Variants in TOM1L2 observed in about 807,000 individuals in gnomAD.
TOM1L2 encodes the protein target of myb1 like 2 membrane trafficking protein.
A neutral mutation model predicts 67.9 loss-of-function variants in TOM1L2; 31 were observed. That is an observed-to-expected ratio of 0.46 (90% CI 0.34 to 0.62). The LOEUF (loss-of-function observed/expected upper bound fraction) is 0.62, where lower values mean the gene tolerates loss of function less well. Among genes scored for constraint, TOM1L2 ranks in the 20% least tolerant of loss-of-function variants. The probability of loss-of-function intolerance (pLI) is 0.01; values close to 1 mark genes in which losing one functional copy is unlikely to be tolerated. For missense variants in TOM1L2, 606 were observed against 663.5 expected, an observed-to-expected ratio of 0.91 and a Z score of 0.95; for synonymous variants, 256 against 254.0, an observed-to-expected ratio of 1.01 and a Z score of -0.07.
At chr17:17,924,000 T>C (rs550849704) in intron 1 of TOM1L2, among the ~76,000 whole-genome samples, 2 of 151,944 alleles carry the variant, frequency 1.3e-5, no homozygotes, top group East Asian at 3.9e-4. Context: ...TAGCCAGGCA[T>C]GGTGGTATGC....
chr17:17,844,178 G>C lies in TOM1L2; in HGVS notation c.*3457C>G, dbSNP rs2035525498. The stretch of plus-strand genomic sequence containing the variant: ...CCCAGGGGCTGGCCTGGCCCCAGGT[G>C]GGCCCATGGCCTACCCCAAGCCATC... On this transcript the variant is annotated 3_prime_UTR_variant, in exon 15 of 15. Coordinates refer to ENST00000379504, the MANE Select transcript of TOM1L2 (RefSeq NM_001082968.2). The C allele has an allele frequency of 6.6e-6, 1 of 152,314 alleles. No individual in the cohort carries two copies. Among genetic ancestry groups the C allele is most frequent in the South Asian group, 2.1e-4 (1 of 4,828 alleles). The allele number at this position is 152,314 out of a possible 1,614,324, so 9.4% of individuals were successfully genotyped here.
intron 2 of TOM1L2, among the ~76,000 whole-genome samples, chr17:17,906,131 CATT>C (rs1568230042): frequency 7.5e-5 from 11 of 147,136 alleles, no homozygotes; most frequent in Admixed American, 6.8e-5. Context: ...CTTCTCTTTT[CATT>C]TTTTTTTTTT....
intron 14 of TOM1L2, 60 bp from the exon 15 acceptor site, chr17:17,847,843 C>T (rs1040938600): frequency 6.8e-6 from 11 of 1,606,664 alleles, no homozygotes; most frequent in East Asian, 2.2e-5. Flanking sequence ...AGAGGAAGCG[C>T]ACCCTTCCAC....
intron 1 of TOM1L2, among the ~76,000 whole-genome samples, chr17:17,912,544 G>A (rs2039429363): frequency 6.6e-6 from 1 of 151,904 alleles, no homozygotes; most frequent in South Asian, 2.1e-4. Flanking sequence ...TCACATCCCA[G>A]ACGGGGCGGC....
At chr17:17,938,918 C>T (rs1253667771) in intron 1 of TOM1L2, among the ~76,000 whole-genome samples, 1 of 152,068 alleles carries the variant, frequency 6.6e-6, no homozygotes, top group East Asian at 1.9e-4. Flanking sequence ...TGGGGTGGGG[C>T]CGCCCAGAGA....
At chr17:17,934,895 G>C (rs2040460435) in intron 1 of TOM1L2, among the ~76,000 whole-genome samples, 1 of 152,316 alleles carries the variant, frequency 6.6e-6, no homozygotes, top group South Asian at 2.1e-4. Flanking sequence ...CCAGGTTCCT[G>C]AGATTTCCTA....
At chr17:17,923,467 T>C (rs1598346355) in intron 1 of TOM1L2, among the ~76,000 whole-genome samples, 2 of 151,896 alleles carry the variant, frequency 1.3e-5, no homozygotes, top group East Asian at 3.9e-4. Context: ...ACTTCAACAC[T>C]TGTATTAACA....
At chr17:17,920,529 G>A (rs1300970499) in intron 1 of TOM1L2, among the ~76,000 whole-genome samples, 2 of 151,738 alleles carry the variant, frequency 1.3e-5, no homozygotes, top group East Asian at 1.9e-4. Context: ...TAGTAGAGAC[G>A]GGGTTTCACA....
chr17:17,916,062 C>T (rs1012513976), intron 1 of TOM1L2, among the ~76,000 whole-genome samples: 20 of 151,364 alleles, frequency 1.3e-4, no homozygotes, highest in African/African-American at 4.8e-4. Context: ...GTCATGATTT[C>T]CCCTTTTTAA....
intron 4 of TOM1L2, among the ~76,000 whole-genome samples, chr17:17,889,824 C>A (rs915093264): frequency 2.6e-5 from 4 of 152,224 alleles, no homozygotes; most frequent in Non-Finnish European, 5.9e-5. Flanking sequence ...ACTGCAGGCT[C>A]CCTGAGGGTA....
chr17:17,847,892 C>T (rs1598162880), intron 14 of TOM1L2, 109 bp from the exon 15 acceptor site: 10 of 1,475,212 alleles, frequency 6.8e-6, no homozygotes, highest in Non-Finnish European at 7.5e-6. Context: ...GGCATGAAGC[C>T]CACCTAGGAG....
At chr17:17,936,878 T>C (rs904117074) in intron 1 of TOM1L2, among the ~76,000 whole-genome samples, 2 of 152,236 alleles carry the variant, frequency 1.3e-5, no homozygotes. Context: ...CATTTCTTTC[T>C]GCTTTCAAAT....
intron 1 of TOM1L2, among the ~76,000 whole-genome samples, chr17:17,963,922 A>G (rs1201907949): frequency 6.6e-6 from 1 of 152,222 alleles, no homozygotes; most frequent in Admixed American, 6.5e-5. Context: ...AATCGTCACA[A>G]AAACCTGGAG....
At chr17:17,903,888 A>T (rs1403773094) in intron 2 of TOM1L2, among the ~76,000 whole-genome samples, 1 of 151,624 alleles carries the variant, frequency 6.6e-6, no homozygotes, top group African/African-American at 2.4e-5. Flanking sequence ...TGACGAGAAC[A>T]GAAGGGACAG....
At chr17:17,924,080 T>C (rs2039991319) in intron 1 of TOM1L2, among the ~76,000 whole-genome samples, 1 of 152,028 alleles carries the variant, frequency 6.6e-6, no homozygotes, top group Admixed American at 6.6e-5. Context: ...GAGGTTGCAG[T>C]GAGCCGAGAT....
intron 1 of TOM1L2, among the ~76,000 whole-genome samples, chr17:17,913,888 G>C (rs2039514549): frequency 6.6e-6 from 1 of 152,160 alleles, no homozygotes; most frequent in South Asian, 2.1e-4. Context: ...TGTATCCCTT[G>C]TAGCCCTACC....
chr17:17,925,356 A>G (rs1416396696), intron 1 of TOM1L2, among the ~76,000 whole-genome samples: 1 of 152,226 alleles, frequency 6.6e-6, no homozygotes, highest in Admixed American at 6.5e-5. Context: ...AATGCCTGGA[A>G]GATAAATGGG....
At chr17:17,877,885 A>C (rs1396756354) in intron 7 of TOM1L2, among the ~76,000 whole-genome samples, 1 of 151,878 alleles carries the variant, frequency 6.6e-6, no homozygotes, top group East Asian at 1.9e-4. Flanking sequence ...TTTAAAAAAA[A>C]AAAAAAATCC....
intron 4 of TOM1L2, among the ~76,000 whole-genome samples, chr17:17,891,482 A>G (rs1240768938): frequency 3.3e-5 from 5 of 152,286 alleles, no homozygotes; most frequent in Admixed American, 3.3e-4. Context: ...GGCCACAGCC[A>G]GTGAAGAAGG....
Sources: gnomAD v4.1 joint callset for allele counts (sites outside exome capture counted in the v4.1 genomes callset) on GRCh38, gnomAD v4.1.1 for gene constraint, MANE v1.5 for transcripts, NCBI Gene and HGNC (gene_info 2026-07-23, HGNC 2026-07-21) for gene names.